The following F13A1 variants were observed in gnomAD, a reference collection of about 807,000 sequenced individuals.
F13A1 encodes the protein FSF, A subunit.
A neutral mutation model predicts 80.1 loss-of-function variants in F13A1; 47 were observed. The observed-to-expected ratio is 0.59, with a 90% CI of 0.46 to 0.75. F13A1 has a LOEUF of 0.75. Ranked by LOEUF, F13A1 falls within the 30% of genes least tolerant of loss-of-function variation. The pLI, the probability that F13A1 is intolerant of heterozygous loss-of-function variation, is 0.00. For missense variants in F13A1, 817 were observed against 930.4 expected, an observed-to-expected ratio of 0.88 and a Z score of 1.59; for synonymous variants, 349 against 344.9, an observed-to-expected ratio of 1.01 and a Z score of -0.13.
chr6:6,320,552 G>T (rs1272934), intron 1 of F13A1, 35 bp downstream of exon 1: 7 of 431,276 alleles, frequency 1.6e-5, no homozygotes, highest in African/African-American at 4.1e-5. Context: ...GACGCAGCGG[G>T]CCCTGGCTCA....
At chr6:6,281,157 GT>G (rs1758054922) in intron 3 of F13A1, among the ~76,000 whole-genome samples, 1 of 152,200 alleles carries the variant, frequency 6.6e-6, no homozygotes, top group Non-Finnish European at 1.5e-5. Flanking sequence ...AAATGTTAAT[GT>G]CTAAGAAGAG....
At chr6:6,319,487 G>A (rs1380429500) in intron 1 of F13A1, among the ~76,000 whole-genome samples, 4 of 152,214 alleles carry the variant, frequency 2.6e-5, no homozygotes, top group Non-Finnish European at 5.9e-5. Context: ...TGGAGCTTGT[G>A]CAGGCACTGA....
chr6:6,312,633 G>A (rs557639282), intron 2 of F13A1, among the ~76,000 whole-genome samples: 2 of 72,682 alleles, frequency 2.8e-5, no homozygotes, highest in South Asian at 7.7e-4. Flanking sequence ...AGCCGAGATC[G>A]CGCCACTGCA....
intron 3 of F13A1, among the ~76,000 whole-genome samples, chr6:6,286,581 A>G (rs955029042): frequency 6.6e-6 from 1 of 152,216 alleles, no homozygotes; most frequent in Non-Finnish European, 1.5e-5. Flanking sequence ...AGGCTGCTGT[A>G]GATCCATGTG....
chr6:6,193,200 G>A (rs573237174), intron 10 of F13A1, among the ~76,000 whole-genome samples: 1 of 152,242 alleles, frequency 6.6e-6, no homozygotes, highest in East Asian at 1.9e-4. Flanking sequence ...AGGAACAGAA[G>A]GTAAGACATT....
intron 12 of F13A1, among the ~76,000 whole-genome samples, chr6:6,169,039 A>G (rs1395175366): frequency 6.6e-6 from 1 of 152,200 alleles, no homozygotes; most frequent in East Asian, 1.9e-4. Context: ...AAGAGTTCTC[A>G]GTCATGGCTC....
At chr6:6,158,598 C>T (rs910736845) in intron 13 of F13A1, among the ~76,000 whole-genome samples, 1 of 152,058 alleles carries the variant, frequency 6.6e-6, no homozygotes, top group Admixed American at 6.5e-5. Context: ...TTCCCATCCC[C>T]GGCCTCCCCA....
At chr6:6,196,128 C>A (rs1761287147) in intron 9 of F13A1, among the ~76,000 whole-genome samples, 1 of 152,220 alleles carries the variant, frequency 6.6e-6, no homozygotes, top group South Asian at 2.1e-4. Context: ...CTGCCACCTA[C>A]AGACACATAC....
chr6:6,153,760 T>C (rs2151068986), intron 13 of F13A1, among the ~76,000 whole-genome samples: 1 of 152,264 alleles, frequency 6.6e-6, no homozygotes, highest in East Asian at 1.9e-4. Context: ...GAGGCACCCC[T>C]GTTGATTACA....
At chr6:6,183,801 A>G (rs952096376) in intron 10 of F13A1, among the ~76,000 whole-genome samples, 3 of 152,204 alleles carry the variant, frequency 2.0e-5, no homozygotes, top group South Asian at 2.1e-4. Flanking sequence ...GTGTCCTTGT[A>G]GAAAGTGCAT....
chr6:6,162,259 GC>G lies in F13A1; in HGVS notation c.1908+5198del, dbSNP rs1460729977. On this transcript the variant is annotated intron_variant, in intron 13 of 14. Transcript: ENST00000264870. This position sits in a 1 kb window ranked among gnomAD's most constrained non-coding sequence, Gnocchi z 4.2. ...TTACCCTTACTCATCCCTGCTCCCA[GC>G]CTCCACCCCAGCCAAGGCACGCTTC... Among the ~76,000 whole-genome samples the G allele has an allele frequency of 1.8e-5, 1 of 55,824 alleles. No homozygotes were observed. The highest frequency in any genetic ancestry group is 4.7e-5 in the Non-Finnish European group (1 of 21,116). 36.6% of individuals were successfully genotyped at this position (55,824 alleles called of 152,430 possible).
chr6:6,311,623 T>TATAAAAACATATATTGTTTACATATA (rs2113195232), intron 2 of F13A1, among the ~76,000 whole-genome samples: 1 of 148,030 alleles, frequency 6.8e-6, no homozygotes, highest in South Asian at 2.1e-4. Flanking sequence ...ATATATAATA[T>TATAAAAACATATATTGTTTACATATA]ATAAAAACAT....
intron 3 of F13A1, among the ~76,000 whole-genome samples, chr6:6,302,120 C>T (rs140808506): frequency 1.4e-4 from 21 of 152,176 alleles, no homozygotes; most frequent in Admixed American, 7.2e-4. Context: ...ATTTTCTGAA[C>T]GGCCTATGAG....
chr6:6,244,838 G>A (rs963369922), intron 6 of F13A1, among the ~76,000 whole-genome samples: 1 of 152,216 alleles, frequency 6.6e-6, no homozygotes, highest in Admixed American at 6.5e-5. Flanking sequence ...CACGAGCTGA[G>A]TCGCTTCCCA....
At chr6:6,263,451 C>A (rs1299590587) in intron 4 of F13A1, among the ~76,000 whole-genome samples, 3 of 152,114 alleles carry the variant, frequency 2.0e-5, no homozygotes, top group Admixed American at 6.5e-5. Context: ...GATCTCCTTG[C>A]GCTCCACTGA....
At position 6,243,102 on chromosome 6, in the gene F13A1, C is replaced by T. The variant is rs190763925; in HGVS notation, c.798+5210G>A. Among the ~76,000 whole-genome samples, 15 of 152,236 alleles carry T rather than the reference C, an allele frequency of 9.9e-5. No homozygotes were observed. Among genetic ancestry groups the T allele is most frequent in the Admixed American group, 1.3e-4 (2 of 15,280 alleles). On this transcript the variant is annotated intron_variant, in intron 6 of 14. Transcript: ENST00000264870. The surrounding 1 kb of genome is among the most constrained non-coding windows in gnomAD (Gnocchi z 4.2). ...GAGTAAATACTGAGTGTTTTACCAC[C>T]ATCACCACCACCACTACCACTATCA...
At chr6:6,192,233 G>T (rs754399514) in intron 10 of F13A1, among the ~76,000 whole-genome samples, 1 of 152,204 alleles carries the variant, frequency 6.6e-6, no homozygotes, top group Admixed American at 6.5e-5. Context: ...TGTAAGGGTG[G>T]TGGAACTCCA....
chr6:6,297,711 T>C (rs1258288038), intron 3 of F13A1, among the ~76,000 whole-genome samples: 4 of 149,334 alleles, frequency 2.7e-5, no homozygotes, highest in Non-Finnish European at 5.9e-5. Flanking sequence ...CCTGGATTCA[T>C]TAATTTTTTG....
chr6:6,287,291 G>T (rs1758151778), intron 3 of F13A1, among the ~76,000 whole-genome samples: 1 of 152,218 alleles, frequency 6.6e-6, no homozygotes, highest in Non-Finnish European at 1.5e-5. Context: ...ATGTGGAAAA[G>T]CCAGGGAATG....
Sources: gnomAD v4.1 joint callset for allele counts (sites outside exome capture counted in the v4.1 genomes callset) on GRCh38, gnomAD v4.1.1 for gene constraint, Gnocchi (gnomAD v3.1) non-coding constraint, MANE v1.5 for transcripts, NCBI Gene and HGNC (gene_info 2026-07-23, HGNC 2026-07-21) for gene names.